Variants in SLC4A2 observed in about 807,000 individuals in gnomAD.
SLC4A2 encodes anion exchange protein 2.
Under a neutral mutation model 115.0 loss-of-function variants are expected in SLC4A2, and 36 were observed. The ratio of observed to expected loss-of-function variants is 0.31; its 90% CI spans 0.24 to 0.41. The LOEUF (loss-of-function observed/expected upper bound fraction) is 0.41, where lower values mean the gene tolerates loss of function less well. Ranked by LOEUF, SLC4A2 falls within the 10% of genes least tolerant of loss-of-function variation. The probability of loss-of-function intolerance (pLI) is 1.00; values close to 1 mark genes in which losing one functional copy is unlikely to be tolerated. For synonymous variants in SLC4A2, 708 were observed against 708.3 expected, an observed-to-expected ratio of 1.00 and a Z score of 0.01; for missense variants, 1,252 against 1,705.6, an observed-to-expected ratio of 0.73 and a Z score of 4.68.
intron 2 of SLC4A2, chr7:151,062,611 C>A (rs1181829938): frequency 2.6e-6 from 4 of 1,512,460 alleles, no homozygotes; most frequent in Middle Eastern, 1.7e-4. Context: ...GTCCCCTCCC[C>A]CTCCTTCTCA....
In SLC4A2 at chr7:151,063,141, T is replaced by TGCCG. The variant is rs1341090026; in HGVS notation, c.52-1058_52-1055dup. The TGCCG allele has an allele frequency of 6.1e-6, 8 of 1,302,880 alleles. No individual in the cohort carries two copies. In the Admixed American group the frequency reaches 1.7e-4, roughly 27 times the overall value. 80.7% of individuals were successfully genotyped at this position (1,302,880 alleles called of 1,614,324 possible). A position where few individuals can be genotyped will look rare whatever the true frequency, so the allele number is the denominator to read the frequency against. On this transcript the variant is annotated intron_variant, in intron 2 of 22. Transcript: ENST00000413384. The stretch of plus-strand genomic sequence containing the variant: ...GAGCTCTTACAAGCGCCGCATTCCC[T>TGCCG]GCCGGCTGTGCCGGCCGGCCGCTGC...
At chr7:151,069,844 C>T in intron 8 of SLC4A2, 103 bp from the exon 9 acceptor site, 1 of 1,428,742 alleles carries the variant, frequency 7.0e-7, no homozygotes, top group African/African-American at 1.4e-5. Flanking sequence ...GTGTTCCAGC[C>T]CCGGCACCCA....
chr7:151,059,728 C>G lies in SLC4A2; in HGVS notation c.-98C>G, dbSNP rs1796986402. 1 of 150,852 alleles carries G rather than the reference C, an allele frequency of 6.6e-6. No individual in the cohort carries two copies. The highest frequency in any genetic ancestry group is 2.1e-4 in the South Asian group (1 of 4,776). The allele number at this position is 150,852 out of a possible 1,614,324, so 9.3% of individuals were successfully genotyped here. On this transcript the variant is annotated 5_prime_UTR_variant, in exon 1 of 23. Transcript: ENST00000413384. The surrounding 1 kb of genome is among the most constrained non-coding windows in gnomAD (Gnocchi z 5.8). ...TGCGCCGGAGGACGGGGAGAGACCC[C>G]GAGACCCCCGGGGCACGAAGTCCAG...
intron 21 of SLC4A2, 103 bp from the exon 22 acceptor site, chr7:151,075,904 AGCTCTG>A: frequency 7.0e-7 from 1 of 1,428,626 alleles, no homozygotes; most frequent in Non-Finnish European, 9.5e-7. Context: ...GTACCAACCC[AGCTCTG>A]GCACCTAGGA....
chr7:151,072,346 C>T (rs1281492250), intron 16 of SLC4A2, among the ~76,000 whole-genome samples: 5 of 152,238 alleles, frequency 3.3e-5, no homozygotes, highest in African/African-American at 4.8e-5. Context: ...GGCTGGAGTG[C>T]AGTGGCGTGA....
chr7:151,075,905 G>A (rs1230714532), intron 21 of SLC4A2, 108 bp from the exon 22 acceptor site: 8 of 1,432,844 alleles, frequency 5.6e-6, no homozygotes, highest in South Asian at 1.3e-5. Context: ...TACCAACCCA[G>A]CTCTGGCACC....
rs868149217 is a variant in SLC4A2, at chr7:151,063,169, C to G, written c.52-1033C>G. 1.5e-4 allele frequency: 213 copies of G among 1,463,720 alleles called. No homozygotes were observed. In the African/African-American group the frequency reaches 2.7e-3, roughly 19 times the overall value. 90.7% of individuals were successfully genotyped at this position (1,463,720 alleles called of 1,614,324 possible). A position where few individuals can be genotyped will look rare whatever the true frequency, so the allele number is the denominator to read the frequency against. ...CGGCTGTGCCGGCCGGCCGCTGCTC[C>G]GCGCCCGCAGGATGACTCAGGTGGG... On this transcript the variant is annotated intron_variant, in intron 2 of 22. Transcript: ENST00000413384.
intron 2 of SLC4A2, 88 bp downstream of exon 2, chr7:151,062,126 T>G: frequency 1.1e-6 from 1 of 897,696 alleles, no homozygotes; most frequent in South Asian, 1.4e-5. Flanking sequence ...CAACCAGGGG[T>G]GTGAGCGTGT....
rs1220636543 is a variant in SLC4A2, at chr7:151,076,090, A to T, written c.3549A>T (p.Thr1183=). 2.5e-6 allele frequency: 4 copies of T among 1,611,036 alleles called. No individual in the cohort carries two copies. Among genetic ancestry groups the T allele is most frequent in the Non-Finnish European group, 3.4e-6 (4 of 1,179,942 alleles). ...CLALLWAVMS[T]AASLAFPFIL... is the part of the protein sequence containing the mutation. ...CCCTGCTCTGGGCCGTCATGTCCACAGCTGCCTCCCTGGCCTTCCCCTTCA... is the reference window on the plus strand; with the variant it reads ...CCCTGCTCTGGGCCGTCATGTCCACTGCTGCCTCCCTGGCCTTCCCCTTCA... Residue 1183 remains threonine, a synonymous_variant, in exon 22 of 23, where the codon ACA becomes ACT. Coordinates refer to ENST00000413384, the MANE Select transcript of SLC4A2 (RefSeq NM_003040.4).
Position 151,071,013 on chromosome 7 carries a change from G to T in SLC4A2, c.1750-59G>T. On this transcript the variant is annotated intron_variant, in intron 12 of 22. Coordinates refer to ENST00000413384, the MANE Select transcript of SLC4A2 (RefSeq NM_003040.4). The surrounding 1 kb of genome is among the most constrained non-coding windows in gnomAD (Gnocchi z 5.5). ...CACCCACTGGCCTTGCCCACCCTCAGCTCCAGGCCCTCAGCCCTCTTCTTT... is the reference window on the plus strand; with the variant it reads ...CACCCACTGGCCTTGCCCACCCTCATCTCCAGGCCCTCAGCCCTCTTCTTT... 5 of 1,597,624 alleles carry T rather than the reference G, an allele frequency of 3.1e-6. No homozygotes were observed. The highest frequency in any genetic ancestry group is 4.3e-6 in the Non-Finnish European group (5 of 1,169,758).
At position 151,060,247 on chromosome 7, in the gene SLC4A2, G is replaced by C. The variant is rs1797001605; in HGVS notation, c.-64+485G>C. On this transcript the variant is annotated intron_variant, in intron 1 of 22. Transcript: ENST00000413384. This position sits in a 1 kb window ranked among gnomAD's most constrained non-coding sequence, Gnocchi z 5.9. ...AGACAGAAGAGGGAGCAGCTGGGTG[G>C]GAATGGGAAAGATGAGCCCGGAGAG... The C allele has an allele frequency of 6.6e-6, 1 of 152,366 alleles. No homozygotes were observed. Among genetic ancestry groups the C allele is most frequent in the African/African-American group, 2.4e-5 (1 of 41,462 alleles). The allele number at this position is 152,366 out of a possible 1,614,324, so 9.4% of individuals were successfully genotyped here. A position where few individuals can be genotyped will look rare whatever the true frequency, so the allele number is the denominator to read the frequency against.
chr7:151,069,636 T>A (rs1236790260), intron 8 of SLC4A2, among the ~76,000 whole-genome samples: 2 of 151,944 alleles, frequency 1.3e-5, no homozygotes, highest in Admixed American at 6.5e-5. Flanking sequence ...ACCGTCCCCA[T>A]GGAGGCCGGA....
Position 151,061,977 on chromosome 7 carries a change from A to G in SLC4A2, c.-11A>G, listed in dbSNP as rs1312599321. 2 of 1,609,968 alleles carry G rather than the reference A, an allele frequency of 1.2e-6. No individual in the cohort carries two copies. Among genetic ancestry groups the G allele is most frequent in the Non-Finnish European group, 8.5e-7 (1 of 1,179,548 alleles). On this transcript the variant is annotated 5_prime_UTR_variant, in exon 2 of 23. An upstream open reading frame in the 5' UTR loses its in-frame stop. Coordinates refer to ENST00000413384, the MANE Select transcript of SLC4A2 (RefSeq NM_003040.4). Reference sequence around the variant, plus strand: ...AGCCGCAGCGACAGCGAAAAGGGCTAAGATTCGGCCATGAGCAGCGCCCCT... The same window carrying G: ...AGCCGCAGCGACAGCGAAAAGGGCTGAGATTCGGCCATGAGCAGCGCCCCT...
intron 17 of SLC4A2, 26 bp downstream of exon 17, chr7:151,074,319 G>A (rs2150378164): frequency 6.8e-6 from 11 of 1,609,482 alleles, no homozygotes; most frequent in Non-Finnish European, 9.3e-6. Context: ...GGCCAAGAGG[G>A]GGTTAGGGGC....
chr7:151,074,019 G>T lies in SLC4A2; in HGVS notation c.2536-20G>T. The T allele has an allele frequency of 2.6e-6, 4 of 1,543,554 alleles. No individual in the cohort carries two copies. The highest frequency in any genetic ancestry group is 3.5e-6 in the Non-Finnish European group (4 of 1,142,492). On this transcript the variant is annotated intron_variant, in intron 16 of 22. Transcript: ENST00000413384. ...TTCTGCAGTCCAGCTGATGGAGGCC[G>T]TGTGGCCTCCTCTCCCCAGATCTTC...
Position 151,066,650 on chromosome 7 carries a change from A to C in SLC4A2, c.712A>C (p.Arg238=), listed in dbSNP as rs1177359140. The C allele has an allele frequency of 1.3e-6, 2 of 1,550,680 alleles. No individual in the cohort carries two copies. The highest frequency in any genetic ancestry group is 1.7e-6 in the Non-Finnish European group (2 of 1,146,998). Residue 238 remains arginine (R), a synonymous_variant, in exon 6 of 23, where the codon AGG becomes CGG. Transcript: ENST00000413384. ...GCACCGCAGCTACAACCTTCAGGAGAGGAGGCGCATCGGGAGCATGACTGG... is the reference window on the plus strand; with the variant it reads ...GCACCGCAGCTACAACCTTCAGGAGCGGAGGCGCATCGGGAGCATGACTGG... ...PGHRSYNLQE[R]RRIGSMTGAE...
intron 5 of SLC4A2, among the ~76,000 whole-genome samples, chr7:151,065,869 G>A (rs34644235): frequency 0.02 from 3,028 of 152,216 alleles, 107 homozygotes; most frequent in African/African-American, 0.067. Context: ...GAGCTCTGGG[G>A]GCTCTTGATG....
In SLC4A2 at chr7:151,063,025, A is replaced by C. The variant is rs1044671502; in HGVS notation, c.51+987A>C. The C allele has an allele frequency of 2.1e-6, 3 of 1,461,224 alleles. No individual in the cohort carries two copies. In the African/African-American group the frequency reaches 4.4e-5, roughly 21 times the overall value. The allele number at this position is 1,461,224 out of a possible 1,614,324, so 90.5% of individuals were successfully genotyped here. ...CCTTCAGGTCCAGAAGCTCTTGAGCAAATATTTGGCGGCGCCTGGAGCTGA... is the reference window on the plus strand; with the variant it reads ...CCTTCAGGTCCAGAAGCTCTTGAGCCAATATTTGGCGGCGCCTGGAGCTGA... On this transcript the variant is annotated intron_variant, in intron 2 of 22. Transcript: ENST00000413384.
In SLC4A2 at chr7:151,066,940, G is replaced by A. The variant is rs764877404; in HGVS notation, c.913G>A (p.Glu305Lys). The A allele has an allele frequency of 1.2e-6, 2 of 1,613,316 alleles. No individual in the cohort carries two copies. The highest frequency in any genetic ancestry group is 2.2e-5 in the East Asian group (1 of 44,866). ...GSTQSGREGR[E>K]PGPTPRARPR... ...CACACAGAGTGGCCGAGAAGGGCGGGAGCCTGGCCCCACACCTCGGGCCCG... is the reference window on the plus strand; with the variant it reads ...CACACAGAGTGGCCGAGAAGGGCGGAAGCCTGGCCCCACACCTCGGGCCCG... Residue 305 changes from glutamate to lysine, a missense_variant, in exon 7 of 23, where the codon GAG (glutamate) becomes AAG (lysine). Glu to Lys is a moderately conservative substitution (Grantham distance 56). This residue lies in a region of SLC4A2 where 48 missense variants were observed against 44.4 expected (regional missense o/e 1.08). Coordinates refer to ENST00000413384, the MANE Select transcript of SLC4A2 (RefSeq NM_003040.4).
Sources: gnomAD v4.1 joint callset for allele counts (sites outside exome capture counted in the v4.1 genomes callset) on GRCh38, gnomAD v4.1.1 for gene constraint, gnomAD v4.1.1 regional missense constraint, Gnocchi (gnomAD v3.1) non-coding constraint, MANE v1.5 for transcripts, NCBI Gene and HGNC (gene_info 2026-07-23, HGNC 2026-07-21) for gene names.